SFI1: variants seen among roughly 807,000 people sequenced by gnomAD.
SFI1 encodes the protein SFI1 centrin binding protein, also known as protein SFI1 homolog.
SFI1 carries 195 observed loss-of-function variants against 207.5 expected under a neutral mutation model. The ratio of observed to expected loss-of-function variants is 0.94; its 90% CI spans 0.84 to 1.06. The LOEUF (loss-of-function observed/expected upper bound fraction) is 1.06. Among genes scored for constraint, SFI1 ranks in the 50% least tolerant of loss-of-function variants. The pLI is 0.00. For synonymous variants in SFI1, 630 were observed against 598.9 expected, an observed-to-expected ratio of 1.05 and a Z score of -0.76; for missense variants, 1,634 against 1,588.0, an observed-to-expected ratio of 1.03 and a Z score of -0.49.
intron 6 of SFI1, among the ~76,000 whole-genome samples, chr22:31,553,747 A>G (rs1484182928): frequency 7.0e-6 from 1 of 143,398 alleles, no homozygotes; most frequent in Non-Finnish European, 1.5e-5. Context: ...CTAGTCTGTG[A>G]CTTGTCTTTT....
chr22:31,595,931 T>C (rs757753909), intron 15 of SFI1, among the ~76,000 whole-genome samples: 5 of 152,172 alleles, frequency 3.3e-5, no homozygotes, highest in South Asian at 2.1e-4. Flanking sequence ...GGGGCATGCA[T>C]TGGGAGAAGT....
intron 18 of SFI1, among the ~76,000 whole-genome samples, 163 bp from the exon 19 acceptor site, chr22:31,604,146 C>G (rs567810819): frequency 6.6e-6 from 1 of 152,286 alleles, no homozygotes; most frequent in Admixed American, 6.5e-5. Context: ...AAGCACTTAC[C>G]TCATCAAATC....
At chr22:31,603,438 C>T (rs2068453695) in intron 17 of SFI1, among the ~76,000 whole-genome samples, 1 of 152,134 alleles carries the variant, frequency 6.6e-6, no homozygotes, top group Admixed American at 6.6e-5. Context: ...TTTCAGTGTC[C>T]ACTGTGTGTT....
rs1191454260 is a variant in SFI1, at chr22:31,561,240, C to T, written c.663-50C>T. The T allele has an allele frequency of 2.6e-6, 4 of 1,556,910 alleles. No individual in the cohort carries two copies. The African/African-American group carries it at 4.1e-5, about 16-fold the overall frequency. ...CCCACACTAACTGCTCCTCTCTTTC[C>T]TGAGTGGCTTTTTACTGATGGATTC... On this transcript the variant is annotated intron_variant, in intron 7 of 32. Transcript: ENST00000400288.
chr22:31,569,400 C>A (rs1407774094), intron 8 of SFI1, among the ~76,000 whole-genome samples: 1 of 152,156 alleles, frequency 6.6e-6, no homozygotes, highest in Non-Finnish European at 1.5e-5. Context: ...TTGAACATGA[C>A]TCCAAGCCTA....
chr22:31,603,233 AAACG>A (rs1166146389), intron 17 of SFI1, among the ~76,000 whole-genome samples: 1 of 152,212 alleles, frequency 6.6e-6, no homozygotes, highest in Non-Finnish European at 1.5e-5. Flanking sequence ...ACTCTGCCTC[AAACG>A]AACAAAAGTG....
At chr22:31,607,680 C>T (rs1362516946) in intron 21 of SFI1, 2 of 234,528 alleles carry the variant, frequency 8.5e-6, no homozygotes, top group Non-Finnish European at 1.7e-5. Context: ...GACTTCACTA[C>T]TTTATGGCAT....
chr22:31,593,987 C>CGAGGGAGAGGGA (rs553687009), intron 15 of SFI1, among the ~76,000 whole-genome samples: 8,237 of 53,060 alleles, frequency 0.16, 644 homozygotes, highest in Admixed American at 0.3. Context: ...GAGACGGAGA[C>CGAGGGAGAGGGA]GAGGGAGAGG....
At chr22:31,580,141 G>A (rs913487973) in intron 11 of SFI1, 131 bp from the exon 12 acceptor site, 2 of 649,558 alleles carry the variant, frequency 3.1e-6, no homozygotes, top group Admixed American at 2.7e-5. Flanking sequence ...CAGGGAGATG[G>A]AACAGCTACA....
chr22:31,557,112 G>A (rs1194253541), intron 7 of SFI1, 53 bp downstream of exon 7: 16 of 1,066,084 alleles, frequency 1.5e-5, no homozygotes, highest in Admixed American at 4.5e-5. Flanking sequence ...TACCTCATCA[G>A]CTTTATGGTG....
At chr22:31,586,693 T>G (rs1201822914) in intron 14 of SFI1, among the ~76,000 whole-genome samples, 1 of 150,492 alleles carries the variant, frequency 6.6e-6, no homozygotes, top group East Asian at 1.9e-4. Context: ...AAAAAGACTA[T>G]GAGTGTCAGA....
intron 2 of SFI1, among the ~76,000 whole-genome samples, chr22:31,524,815 T>C (rs947642561): frequency 6.6e-6 from 1 of 151,258 alleles, no homozygotes; most frequent in Non-Finnish European, 1.5e-5. Flanking sequence ...CATTTTTTTT[T>C]ATGGAGTCTT....
chr22:31,602,891 C>A, intron 17 of SFI1, 106 bp downstream of exon 17: 1 of 1,275,104 alleles, frequency 7.8e-7, no homozygotes, highest in Non-Finnish European at 1.1e-6. Context: ...TGCATTACCC[C>A]AGACTCTGGT....
chr22:31,509,267 A>G (rs1340128457), intron 2 of SFI1, among the ~76,000 whole-genome samples: 1 of 152,184 alleles, frequency 6.6e-6, no homozygotes. Context: ...CACAAGGTGA[A>G]GTCCCGTGAT....
chr22:31,608,563 G>T lies in SFI1; in HGVS notation c.2254+530G>T, dbSNP rs560066866. On this transcript the variant is annotated intron_variant, in intron 22 of 32. Transcript: ENST00000400288. ...TGTGGAGGGGGCACTGTTCAGTCCA[G>T]TATATCTTAGAAATCTATTCCCAAC... Among the ~76,000 whole-genome samples the T allele has an allele frequency of 9.9e-5, 15 of 152,214 alleles. No homozygotes were observed. In the South Asian group the frequency reaches 3.1e-3, roughly 32 times the overall value.
At chr22:31,610,420 A>C (rs1437166117) in intron 22 of SFI1, among the ~76,000 whole-genome samples, 1 of 152,172 alleles carries the variant, frequency 6.6e-6, no homozygotes, top group Non-Finnish European at 1.5e-5. Flanking sequence ...ATGCAGCACT[A>C]ATGTGGGTGC....
chr22:31,531,046 TC>T lies in SFI1; in HGVS notation c.267-10del. 6.2e-7 allele frequency: 1 copy of T among 1,606,524 alleles called. No homozygotes were observed. Among genetic ancestry groups the T allele is most frequent in the South Asian group, 1.1e-5 (1 of 89,230 alleles). ...TTTTAAAATATGTATATGCTTTTTTTCCTTCTTTCAGATGCGTGGCCAGAAA... is the reference window on the plus strand; with the variant it reads ...TTTTAAAATATGTATATGCTTTTTTTCTTCTTTCAGATGCGTGGCCAGAAA... On this transcript the variant is annotated splice_polypyrimidine_tract_variant and intron_variant, in intron 3 of 32. Coordinates refer to ENST00000400288, the MANE Select transcript of SFI1 (RefSeq NM_001007467.3).
chr22:31,602,316 A>T (rs957415107), intron 16 of SFI1, 23 bp downstream of exon 16: 1 of 1,605,016 alleles, frequency 6.2e-7, no homozygotes. Context: ...CCCTGAGGAG[A>T]TGTGTGGAGG....
intron 20 of SFI1, 132 bp downstream of exon 20, chr22:31,605,077 T>C: frequency 1.4e-6 from 1 of 737,772 alleles, no homozygotes; most frequent in Non-Finnish European, 2.2e-6. Flanking sequence ...AATATCATGG[T>C]CTTGGCTTTT....
Sources: gnomAD v4.1 joint callset for allele counts (sites outside exome capture counted in the v4.1 genomes callset) on GRCh38, gnomAD v4.1.1 for gene constraint, MANE v1.5 for transcripts, NCBI Gene and HGNC (gene_info 2026-07-23, HGNC 2026-07-21) for gene names.